METTL15: variants seen among roughly 807,000 people sequenced by gnomAD.
METTL15 encodes the protein 12S rRNA N(4)-cytidine methyltransferase METTL15.
Under a neutral mutation model 38.3 loss-of-function variants are expected in METTL15, and 34 were observed. The ratio of observed to expected loss-of-function variants is 0.89; its 90% CI spans 0.68 to 1.18. The LOEUF (loss-of-function observed/expected upper bound fraction) is 1.18. METTL15 is among the 50% of genes most tolerant of loss of function. The pLI is 0.00. For synonymous variants in METTL15, 162 were observed against 170.9 expected (o/e 0.95, Z 0.41); for missense variants, 438 against 498.4 (o/e 0.88, Z 1.15).
At chr11:28,308,985 A>G (rs571012982) in intron 6 of METTL15, among the ~76,000 whole-genome samples, 90 of 152,240 alleles carry the variant, frequency 5.9e-4, no homozygotes, top group African/African-American at 2.0e-3. Flanking sequence ...CAATCAACCA[A>G]TAGATAGATT....
intron 5 of METTL15, among the ~76,000 whole-genome samples, chr11:28,378,477 G>A (rs574881692): frequency 1.6e-4 from 25 of 152,296 alleles, no homozygotes; most frequent in African/African-American, 4.6e-4. Context: ...GACCCCTTGC[G>A]CTTCCCAAGT....
intron 3 of METTL15, among the ~76,000 whole-genome samples, chr11:28,158,699 C>T (rs564667921): frequency 4.3e-4 from 65 of 152,170 alleles, no homozygotes; most frequent in Non-Finnish European, 7.2e-4. Context: ...TTCCACACGG[C>T]ATTGCTTCTG....
intron 3 of METTL15, among the ~76,000 whole-genome samples, chr11:28,208,279 G>A (rs1299674264): frequency 1.3e-5 from 2 of 152,030 alleles, no homozygotes; most frequent in African/African-American, 4.8e-5. Context: ...ACTCTGCTTT[G>A]AATGTGTCCC....
At chr11:28,345,837 A>C (rs1241282251) in intron 3 of METTL15, among the ~76,000 whole-genome samples, 1 of 152,216 alleles carries the variant, frequency 6.6e-6, no homozygotes, top group Non-Finnish European at 1.5e-5. Flanking sequence ...ATTAGAATTA[A>C]AAGATGGTGT....
At chr11:28,477,207 T>A (rs938815378) in intron 6 of METTL15, among the ~76,000 whole-genome samples, 1 of 152,172 alleles carries the variant, frequency 6.6e-6, no homozygotes, top group Non-Finnish European at 1.5e-5. Context: ...TTTTTTGAGA[T>A]GGCGTCTCAC....
intron 6 of METTL15, among the ~76,000 whole-genome samples, chr11:28,439,714 T>G (rs1000375437): frequency 6.6e-6 from 1 of 152,230 alleles, no homozygotes; most frequent in Non-Finnish European, 1.5e-5. Flanking sequence ...TGATCTCTTT[T>G]ACTCCTACTG....
At chr11:28,369,061 T>G (rs1850217699) in intron 5 of METTL15, among the ~76,000 whole-genome samples, 1 of 151,908 alleles carries the variant, frequency 6.6e-6, no homozygotes, top group Non-Finnish European at 1.5e-5. Flanking sequence ...AAGTGATGAG[T>G]TGATGGGTGC....
intron 3 of METTL15, among the ~76,000 whole-genome samples, chr11:28,126,578 A>G (rs1247891168): frequency 1.3e-5 from 2 of 152,194 alleles, no homozygotes; most frequent in Non-Finnish European, 2.9e-5. Flanking sequence ...GATTGGGTGA[A>G]GAGAGGCAAG....
At chr11:28,487,825 G>T (rs927951443) in intron 6 of METTL15, among the ~76,000 whole-genome samples, 1 of 152,106 alleles carries the variant, frequency 6.6e-6, no homozygotes, top group Non-Finnish European at 1.5e-5. Flanking sequence ...TGAATTGCAT[G>T]AAGTATTAGA....
chr11:28,373,348 G>A (rs1293468837), intron 5 of METTL15, among the ~76,000 whole-genome samples: 3 of 151,980 alleles, frequency 2.0e-5, no homozygotes, highest in African/African-American at 7.3e-5. Flanking sequence ...TTGTGGTTTT[G>A]ATTTGCATTT....
At chr11:28,229,763 G>C (rs1004627100) in intron 4 of METTL15, among the ~76,000 whole-genome samples, 1 of 151,922 alleles carries the variant, frequency 6.6e-6, no homozygotes, top group African/African-American at 2.4e-5. Flanking sequence ...AAGATGTTTT[G>C]TTGTAGCACC....
intron 3 of METTL15, among the ~76,000 whole-genome samples, chr11:28,194,140 C>CTTTCTTTCTTTCTTTCTT (rs1851808535): frequency 8.7e-6 from 1 of 114,404 alleles, no homozygotes; most frequent in African/African-American, 3.4e-5. Context: ...TTCTTTCTTT[C>CTTTCTTTCTTTCTTTCTT]TTTCTTTCTT....
At chr11:28,152,700 A>G (rs978894524) in intron 3 of METTL15, among the ~76,000 whole-genome samples, 1 of 152,060 alleles carries the variant, frequency 6.6e-6, no homozygotes, top group African/African-American at 2.4e-5. Context: ...ATATTTGTAT[A>G]TAACTGTTAC....
chr11:28,180,858 T>C (rs1267949346), intron 3 of METTL15, among the ~76,000 whole-genome samples: 1 of 151,846 alleles, frequency 6.6e-6, no homozygotes, highest in African/African-American at 2.4e-5. Context: ...CTCTGACAAC[T>C]GCCATTAAGT....
intron 6 of METTL15, among the ~76,000 whole-genome samples, chr11:28,482,837 A>C (rs542119752): frequency 6.6e-6 from 1 of 152,276 alleles, no homozygotes; most frequent in Non-Finnish European, 1.5e-5. Flanking sequence ...GGGCACACCA[A>C]ACTTCAAGTA....
intron 4 of METTL15, among the ~76,000 whole-genome samples, chr11:28,353,752 C>T (rs1309552194): frequency 1.3e-5 from 2 of 151,222 alleles, no homozygotes; most frequent in Non-Finnish European, 2.9e-5. Flanking sequence ...GGTGAAACCC[C>T]GTCTCTACTA....
chr11:28,374,908 C>A (rs1180898316), intron 5 of METTL15, among the ~76,000 whole-genome samples: 2 of 151,666 alleles, frequency 1.3e-5, no homozygotes, highest in Admixed American at 1.3e-4. Context: ...GCCTTTTCTG[C>A]ATCTATTGAG....
intron 6 of METTL15, among the ~76,000 whole-genome samples, chr11:28,493,718 A>G (rs919182227): frequency 1.4e-4 from 22 of 152,176 alleles, no homozygotes; most frequent in African/African-American, 4.3e-4. Flanking sequence ...ATCTGAATGT[A>G]TGGGTTTAGT....
At chr11:28,229,782 A>G (rs1853617664) in intron 4 of METTL15, among the ~76,000 whole-genome samples, 2 of 152,024 alleles carry the variant, frequency 1.3e-5, no homozygotes, top group Admixed American at 6.6e-5. Context: ...CCCTAAATGG[A>G]CTGAGACAGC....
Sources: gnomAD v4.1 joint callset for allele counts (sites outside exome capture counted in the v4.1 genomes callset) on GRCh38, gnomAD v4.1.1 for gene constraint, MANE v1.5 for transcripts, NCBI Gene and HGNC (gene_info 2026-07-23, HGNC 2026-07-21) for gene names.